The following SLC45A4 variants were observed in gnomAD, a reference collection of about 807,000 sequenced individuals.
SLC45A4 encodes the protein solute carrier family 45 member 4, also known as polyamine-transporter SLC45A4.
In SLC45A4, 32 loss-of-function variants were observed where a neutral mutation model predicts 63.7. The observed-to-expected ratio is 0.50, with a 90% confidence interval of 0.38 to 0.67. The LOEUF is 0.67. Ranked by LOEUF, SLC45A4 falls within the 30% of genes least tolerant of loss-of-function variation. SLC45A4 has a pLI of 0.00. For synonymous variants in SLC45A4, 535 were observed against 510.0 expected (o/e 1.05, Z -0.66); for missense variants, 1,027 against 1,157.7 (o/e 0.89, Z 1.64).
chr8:141,275,513 A>C (rs1829695722), intron 1 of SLC45A4, among the ~76,000 whole-genome samples: 3 of 152,090 alleles, frequency 2.0e-5, no homozygotes, highest in Admixed American at 1.3e-4. Flanking sequence ...CAGGAGGATC[A>C]CTTGAGTCCT....
At chr8:141,238,039 A>T (rs140804327) in intron 2 of SLC45A4, among the ~76,000 whole-genome samples, 35 of 152,360 alleles carry the variant, frequency 2.3e-4, no homozygotes, top group African/African-American at 8.2e-4. Context: ...TTTGGTCAAG[A>T]TCTCCTGAAT....
At chr8:141,255,552 C>T (rs543991161) in intron 1 of SLC45A4, among the ~76,000 whole-genome samples, 2 of 152,164 alleles carry the variant, frequency 1.3e-5, no homozygotes, top group East Asian at 1.9e-4. Context: ...CCCATCTCTA[C>T]TAAAAATACA....
intron 1 of SLC45A4, among the ~76,000 whole-genome samples, chr8:141,281,498 C>T (rs1480815628): frequency 6.6e-6 from 1 of 152,234 alleles, no homozygotes. Context: ...CTCTCACGGA[C>T]AGAGCGGTTG....
chr8:141,274,396 TG>T (rs1359846502), intron 1 of SLC45A4, among the ~76,000 whole-genome samples: 5 of 152,026 alleles, frequency 3.3e-5, no homozygotes, highest in Admixed American at 3.3e-4. Flanking sequence ...AAGCTGGGCG[TG>T]GTGACAGACA....
At chr8:141,293,067 C>T (rs1243082484) in intron 1 of SLC45A4, among the ~76,000 whole-genome samples, 2 of 152,208 alleles carry the variant, frequency 1.3e-5, no homozygotes, top group African/African-American at 2.4e-5. Flanking sequence ...TCCTCCCCCA[C>T]CCCCCTACTG....
chr8:141,247,861 G>A (rs1162344523), intron 2 of SLC45A4, among the ~76,000 whole-genome samples: 2 of 152,226 alleles, frequency 1.3e-5, no homozygotes, highest in Admixed American at 1.3e-4. Context: ...TAGGTAGCCA[G>A]TAAATGCCAA....
intron 1 of SLC45A4, among the ~76,000 whole-genome samples, chr8:141,294,257 C>T (rs993644218): frequency 6.6e-6 from 1 of 152,218 alleles, no homozygotes; most frequent in African/African-American, 2.4e-5. Context: ...CCCACAGCGA[C>T]TGGTCAGGGT....
chr8:141,228,878 T>C (rs1827187531), intron 2 of SLC45A4, among the ~76,000 whole-genome samples: 1 of 152,104 alleles, frequency 6.6e-6, no homozygotes. Flanking sequence ...CTAGACCTCC[T>C]CTGGGGTCCC....
chr8:141,267,399 G>A (rs1021018630), intron 1 of SLC45A4, among the ~76,000 whole-genome samples: 3 of 152,272 alleles, frequency 2.0e-5, no homozygotes, highest in Non-Finnish European at 4.4e-5. Context: ...GTGCACATGC[G>A]TGCCTGCAGA....
chr8:141,231,902 C>T (rs2154614340), intron 2 of SLC45A4, among the ~76,000 whole-genome samples: 1 of 152,370 alleles, frequency 6.6e-6, no homozygotes, highest in African/African-American at 2.4e-5. Flanking sequence ...GGAGACCCCA[C>T]TTCAGTTCTT....
chr8:141,239,574 GCACACA>G (rs56366558), intron 2 of SLC45A4, among the ~76,000 whole-genome samples: 35 of 144,458 alleles, frequency 2.4e-4, no homozygotes, highest in East Asian at 1.5e-3. Context: ...CAGGAGCAAA[GCACACA>G]CACACACACA....
chr8:141,255,908 G>A (rs1395951099), intron 1 of SLC45A4, among the ~76,000 whole-genome samples: 3 of 152,044 alleles, frequency 2.0e-5, no homozygotes, highest in Admixed American at 2.0e-4. Flanking sequence ...TGAAATTATA[G>A]ACCTTTTCTC....
chr8:141,245,517 C>T (rs1828147193), intron 2 of SLC45A4, among the ~76,000 whole-genome samples: 1 of 152,178 alleles, frequency 6.6e-6, no homozygotes, highest in South Asian at 2.1e-4. Context: ...TCCCCCAGGG[C>T]TGACCCGGGG....
intron 1 of SLC45A4, among the ~76,000 whole-genome samples, chr8:141,302,632 T>C (rs908874937): frequency 6.6e-5 from 10 of 152,166 alleles, no homozygotes; most frequent in Admixed American, 5.2e-4. Flanking sequence ...GCGGCAGGCG[T>C]AAAGTTATTT....
intron 1 of SLC45A4, among the ~76,000 whole-genome samples, chr8:141,262,838 A>G (rs1203016625): frequency 6.7e-6 from 1 of 150,298 alleles, no homozygotes; most frequent in Non-Finnish European, 1.5e-5. Flanking sequence ...TAGAAATACC[A>G]TTTGACCCAG....
At chr8:141,277,021 C>T (rs1385314460) in intron 1 of SLC45A4, among the ~76,000 whole-genome samples, 1 of 152,234 alleles carries the variant, frequency 6.6e-6, no homozygotes, top group Admixed American at 6.5e-5. Context: ...AGCAAGCTCC[C>T]AGCAGCAAGG....
intron 1 of SLC45A4, among the ~76,000 whole-genome samples, chr8:141,288,877 C>G (rs913997534): frequency 6.6e-6 from 1 of 152,238 alleles, no homozygotes; most frequent in Non-Finnish European, 1.5e-5. Context: ...ACTCCCCGTC[C>G]AAATGCAGAT....
intron 2 of SLC45A4, 80 bp from the exon 3 acceptor site, chr8:141,221,845 G>A (rs6983780): frequency 0.61 from 905,040 of 1,491,572 alleles, 277,601 homozygotes; most frequent in East Asian, 0.83. Context: ...CCCGCGACAG[G>A]CAGGTGCCTC....
At chr8:141,270,690 C>T (rs373644339) in intron 1 of SLC45A4, among the ~76,000 whole-genome samples, 1 of 152,118 alleles carries the variant, frequency 6.6e-6, no homozygotes, top group Admixed American at 6.5e-5. Flanking sequence ...GCGTGACCCT[C>T]GCAGACTCGC....
Sources: gnomAD v4.1 joint callset for allele counts (sites outside exome capture counted in the v4.1 genomes callset) on GRCh38, gnomAD v4.1.1 for gene constraint, MANE v1.5 for transcripts, NCBI Gene and HGNC (gene_info 2026-07-23, HGNC 2026-07-21) for gene names.